Variants in TRIM44 observed in about 807,000 individuals in gnomAD.
The protein encoded by TRIM44 is tripartite motif-containing protein 44.
In TRIM44, 13 loss-of-function variants were observed where a neutral mutation model predicts 37.4. That is an observed-to-expected ratio of 0.35 (90% CI 0.23 to 0.55). The LOEUF (loss-of-function observed/expected upper bound fraction) is 0.55. TRIM44 is among the 20% of genes least tolerant of loss of function. The probability of loss-of-function intolerance (pLI) is 0.89; values close to 1 mark genes in which losing one functional copy is unlikely to be tolerated. For missense variants in TRIM44, 426 were observed against 437.2 expected (o/e 0.97, Z 0.23); for synonymous variants, 175 against 157.2 (o/e 1.11, Z -0.85).
intron 4 of TRIM44, among the ~76,000 whole-genome samples, chr11:35,740,874 G>GT (rs936784001): frequency 2.0e-5 from 3 of 151,800 alleles, no homozygotes; most frequent in South Asian, 4.2e-4. Flanking sequence ...AATTTGGTGG[G>GT]TTTTTTTTCC....
intron 2 of TRIM44, among the ~76,000 whole-genome samples, chr11:35,720,222 C>T: frequency 6.6e-6 from 1 of 152,020 alleles, no homozygotes; most frequent in East Asian, 1.9e-4. Flanking sequence ...TTATAGTTTT[C>T]CTCTTATAGA....
At chr11:35,768,183 C>T (rs917872914) in intron 4 of TRIM44, among the ~76,000 whole-genome samples, 4 of 152,202 alleles carry the variant, frequency 2.6e-5, no homozygotes, top group Admixed American at 6.5e-5. Context: ...TGGATTCAAA[C>T]TTTGAGTGTA....
intron 4 of TRIM44, among the ~76,000 whole-genome samples, chr11:35,781,523 G>T (rs900100860): frequency 1.3e-5 from 2 of 152,178 alleles, no homozygotes; most frequent in African/African-American, 4.8e-5. Flanking sequence ...TCAGGATCCA[G>T]ATATGCCAGA....
intron 4 of TRIM44, among the ~76,000 whole-genome samples, chr11:35,779,529 G>A (rs1853030496): frequency 6.6e-6 from 1 of 152,082 alleles, no homozygotes; most frequent in African/African-American, 2.4e-5. Context: ...GCTCACGCTG[G>A]GAGCTGTAGA....
At chr11:35,757,292 A>G (rs1363399541) in intron 4 of TRIM44, among the ~76,000 whole-genome samples, 1 of 152,112 alleles carries the variant, frequency 6.6e-6, no homozygotes, top group Non-Finnish European at 1.5e-5. Flanking sequence ...ATTTGCGTAG[A>G]GGTGTTTATA....
Position 35,662,801 on chromosome 11 carries a change from A to C in TRIM44, c.-311A>C. Reference sequence around the variant, plus strand: ...GCGGCTGCCGCGATCTCTCCCTGGTAGCGGGAGGCTGAGCGGGCGGCGCGA... The same window carrying C: ...GCGGCTGCCGCGATCTCTCCCTGGTCGCGGGAGGCTGAGCGGGCGGCGCGA... On this transcript the variant is annotated 5_prime_UTR_variant, in exon 1 of 5. Transcript: ENST00000299413. The C allele has an allele frequency of 1.3e-5, 3 of 234,622 alleles. No individual in the cohort carries two copies. Among genetic ancestry groups the C allele is most frequent in the Non-Finnish European group, 2.4e-5 (3 of 123,376 alleles). The allele number at this position is 234,622 out of a possible 1,614,324, so 14.5% of individuals were successfully genotyped here.
At position 35,808,657 on chromosome 11, in the gene TRIM44, T is replaced by G. The variant is rs1376635052; in HGVS notation, c.*2272T>G. The G allele has an allele frequency of 6.6e-6, 1 of 152,238 alleles. No individual in the cohort carries two copies. Among genetic ancestry groups the G allele is most frequent in the Non-Finnish European group, 1.5e-5 (1 of 68,022 alleles). 9.4% of individuals were successfully genotyped at this position (152,238 alleles called of 1,614,324 possible). A position where few individuals can be genotyped will look rare whatever the true frequency, so the allele number is the denominator to read the frequency against. On this transcript the variant is annotated 3_prime_UTR_variant, in exon 5 of 5. Coordinates refer to ENST00000299413, the MANE Select transcript of TRIM44 (RefSeq NM_017583.6). ...CTGTGATCCTCAAGGAAAGCACTTT[T>G]GCTTTTACTTAGAAAGCGTTTCAGA...
chr11:35,714,955 A>T (rs1051118791), intron 2 of TRIM44, among the ~76,000 whole-genome samples: 6 of 151,386 alleles, frequency 4.0e-5, no homozygotes, highest in South Asian at 4.2e-4. Flanking sequence ...ATATTCCTAT[A>T]GCAGGGGCCA....
chr11:35,777,473 T>A (rs1366092824), intron 4 of TRIM44, among the ~76,000 whole-genome samples: 1 of 152,218 alleles, frequency 6.6e-6, no homozygotes, highest in African/African-American at 2.4e-5. Context: ...AATATTGTTA[T>A]GTGTGAATTT....
At chr11:35,787,759 G>C (rs1853148903) in intron 4 of TRIM44, among the ~76,000 whole-genome samples, 7 of 152,130 alleles carry the variant, frequency 4.6e-5, no homozygotes, top group Admixed American at 3.9e-4. Context: ...CAATGTCAGG[G>C]AAATGGATTT....
rs528668844 is a variant in TRIM44, at chr11:35,681,692, A to G, written c.670-3567A>G. On this transcript the variant is annotated intron_variant, in intron 1 of 4. Transcript: ENST00000299413. ...TAGAATTAGGCTGTCTTTTCTTACT[A>G]TCCTGGTTCACTTCTCAATTAGAAC... 1.2e-4 allele frequency among the ~76,000 whole-genome samples: 18 copies of G among 152,278 alleles called. No individual in the cohort carries two copies. In the South Asian group the frequency reaches 2.3e-3, roughly 19 times the overall value.
At chr11:35,759,742 G>C (rs922810341) in intron 4 of TRIM44, among the ~76,000 whole-genome samples, 3 of 152,196 alleles carry the variant, frequency 2.0e-5, no homozygotes, top group Non-Finnish European at 4.4e-5. Flanking sequence ...CAGGTCTGTT[G>C]GAGTTTCCTG....
intron 4 of TRIM44, among the ~76,000 whole-genome samples, chr11:35,765,633 G>A (rs1852787785): frequency 6.6e-6 from 1 of 152,110 alleles, no homozygotes; most frequent in Non-Finnish European, 1.5e-5. Flanking sequence ...GCAAGGAGAG[G>A]GTTTTGCCAG....
At chr11:35,709,778 G>T (rs867474245) in intron 2 of TRIM44, among the ~76,000 whole-genome samples, 1 of 152,162 alleles carries the variant, frequency 6.6e-6, no homozygotes, top group Non-Finnish European at 1.5e-5. Flanking sequence ...CCTGGGGGTC[G>T]TTAGAAGCTA....
In TRIM44 at chr11:35,663,405, G is replaced by C; in HGVS notation, c.294G>C (p.Glu98Asp). 6.3e-7 allele frequency: 1 copy of C among 1,589,720 alleles called. No homozygotes were observed. The highest frequency in any genetic ancestry group is 8.6e-7 in the Non-Finnish European group (1 of 1,166,708). Reference sequence around the variant, plus strand: ...AGATAGAAAGCGAGGCAGGGGAAGAGAGTGAGTCGGAGGAAGAGAGCGAGT... The same window carrying C: ...AGATAGAAAGCGAGGCAGGGGAAGACAGTGAGTCGGAGGAAGAGAGCGAGT... ...EREIESEAGE[E>D]SESEEESESE... The change falls in exon 1 of 5, where the codon GAG becomes GAC. Residue 98 changes from glutamate to aspartate, a missense_variant. Physicochemically the swap from Glu to Asp is conservative, Grantham distance 45. Coordinates refer to ENST00000299413, the MANE Select transcript of TRIM44 (RefSeq NM_017583.6).
intron 4 of TRIM44, among the ~76,000 whole-genome samples, chr11:35,769,842 C>T (rs1410341965): frequency 1.3e-5 from 2 of 152,176 alleles, no homozygotes; most frequent in African/African-American, 4.8e-5. Flanking sequence ...CAAATAACTG[C>T]AATGGATGAT....
intron 4 of TRIM44, among the ~76,000 whole-genome samples, chr11:35,760,473 C>T (rs566562691): frequency 2.0e-5 from 3 of 152,216 alleles, no homozygotes; most frequent in Non-Finnish European, 4.4e-5. Context: ...CCTGCTTAAG[C>T]TCATGCTTGG....
rs1433742650 is a variant in TRIM44 at position 35,706,370 on chromosome 11, C to A, written c.748-19554C>A. Among the ~76,000 whole-genome samples the A allele has an allele frequency of 6.6e-5, 10 of 152,244 alleles. 1 individual carries two copies. The highest frequency in any genetic ancestry group is 2.4e-4 in the African/African-American group (10 of 41,552). On this transcript the variant is annotated intron_variant, in intron 2 of 4. Coordinates refer to ENST00000299413, the MANE Select transcript of TRIM44 (RefSeq NM_017583.6). ...TGGTACCGTTCCTTCTGAAACTATT[C>A]CAATCAATAGAAAAAGAGGGAATCC...
intron 2 of TRIM44, among the ~76,000 whole-genome samples, chr11:35,691,380 C>G (rs755805088): frequency 3.9e-5 from 6 of 152,220 alleles, no homozygotes; most frequent in Non-Finnish European, 8.8e-5. Context: ...GCTTACCCCT[C>G]TCATCCTCCC....
Sources: allele counts gnomAD v4.1 joint callset (sites outside exome capture counted in the v4.1 genomes callset), GRCh38; gene constraint gnomAD v4.1.1; transcripts MANE v1.5; gene names NCBI Gene and HGNC (gene_info 2026-07-23, HGNC 2026-07-21).